BOC: variants seen among roughly 807,000 people sequenced by gnomAD.
BOC encodes brother of CDO.
Under a neutral mutation model 112.0 loss-of-function variants are expected in BOC, and 76 were observed. The observed-to-expected ratio is 0.68, with a 90% CI of 0.56 to 0.82. BOC has a LOEUF of 0.82. Ranked by LOEUF, BOC falls within the 40% of genes least tolerant of loss-of-function variation. BOC has a pLI of 0.00. For synonymous variants in BOC, 580 were observed against 599.8 expected (o/e 0.97, Z 0.48); for missense variants, 1,309 against 1,511.7 (o/e 0.87, Z 2.22).
Position 113,278,755 on chromosome 3 carries a change from C to A in BOC, c.1788C>A (p.Ser596Arg). The A allele has an allele frequency of 6.4e-7, 1 of 1,560,928 alleles. No individual in the cohort carries two copies. The highest frequency in any genetic ancestry group is 8.7e-7 in the Non-Finnish European group (1 of 1,152,398). Residue 596 changes from serine to arginine, a missense_variant, in exon 11 of 20, where the codon AGC (serine) becomes AGA (arginine). Coordinates refer to ENST00000682979, the MANE Select transcript of BOC (RefSeq NM_001378074.1). This position sits in a 1 kb window ranked among gnomAD's most constrained non-coding sequence, Gnocchi z 4.2. ...RDDPGASPQS[S>R]SQPDHGRLSP... ...ACCCTGGAGCCAGTCCCCAGAGCAGCAGCCAGCCAGACCACGGCCGCCTCT... is the reference window on the plus strand; with the variant it reads ...ACCCTGGAGCCAGTCCCCAGAGCAGAAGCCAGCCAGACCACGGCCGCCTCT...
chr3:113,250,983 A>G (rs1559842290), intron 4 of BOC, 150 bp downstream of exon 4: 1 of 972,384 alleles, frequency 1.0e-6, no homozygotes, highest in African/African-American at 1.6e-5. Context: ...GTAGCTGCCT[A>G]GTAATGCCCA....
chr3:113,222,723 C>G (rs1324828176), intron 2 of BOC, among the ~76,000 whole-genome samples: 1 of 152,210 alleles, frequency 6.6e-6, no homozygotes, highest in Non-Finnish European at 1.5e-5. Flanking sequence ...CCAGCTCACA[C>G]TCTCATACCA....
intron 2 of BOC, among the ~76,000 whole-genome samples, chr3:113,247,905 G>A (rs1011288074): frequency 6.6e-6 from 1 of 152,188 alleles, no homozygotes; most frequent in Non-Finnish European, 1.5e-5. Context: ...ATCTTAACTT[G>A]CCAGGAAATA....
At chr3:113,235,246 A>G (rs1026855559) in intron 2 of BOC, among the ~76,000 whole-genome samples, 31 of 152,296 alleles carry the variant, frequency 2.0e-4, no homozygotes, top group African/African-American at 7.5e-4. Context: ...CTTTCCAGCC[A>G]CTATATTAGC....
At chr3:113,251,701 T>TA (rs1055261829) in intron 4 of BOC, 4 of 152,204 alleles carry the variant, frequency 2.6e-5, no homozygotes, top group African/African-American at 7.2e-5. Context: ...AAATGGCTTC[T>TA]AAGGTCCCTC....
rs767715937 is a variant in BOC, at chr3:113,274,392, T to A, written c.1252T>A (p.Trp418Arg). 1.3e-6 allele frequency: 2 copies of A among 1,554,832 alleles called. No homozygotes were observed. Among genetic ancestry groups the A allele is most frequent in the South Asian group, 2.4e-5 (2 of 83,388 alleles). Residue 418 changes from tryptophan (W) to arginine (R), a missense_variant, in exon 9 of 20, where the codon TGG (tryptophan) becomes AGG (arginine). Coordinates refer to ENST00000682979, the MANE Select transcript of BOC (RefSeq NM_001378074.1). This position sits in a 1 kb window ranked among gnomAD's most constrained non-coding sequence, Gnocchi z 4.8. ...TCCTCCAGGCATAACCCCAAGGCTA[T>A]GGCAGGATGCTGAGCTGGCTACTGG... ...TSRPSITPRL[W>R]QDAELATGTP...
intron 4 of BOC, 32 bp from the exon 5 acceptor site, chr3:113,268,267 C>T (rs1311815607): frequency 2.5e-6 from 4 of 1,613,034 alleles, no homozygotes; most frequent in African/African-American, 1.3e-5. Flanking sequence ...GCTCTGCTGT[C>T]CTCCAACCAG....
chr3:113,225,124 A>G (rs1472220034), intron 2 of BOC, among the ~76,000 whole-genome samples: 1 of 151,782 alleles, frequency 6.6e-6, no homozygotes, highest in Admixed American at 6.6e-5. Flanking sequence ...AACCACAAAA[A>G]TAAGTCGGGT....
At chr3:113,255,017 C>T (rs1017980870) in intron 4 of BOC, among the ~76,000 whole-genome samples, 3 of 152,134 alleles carry the variant, frequency 2.0e-5, no homozygotes, top group African/African-American at 7.2e-5. Context: ...GTTGTCCTGG[C>T]CATGTGGGTA....
intron 2 of BOC, among the ~76,000 whole-genome samples, chr3:113,225,124 ATAAGTCGGGTGTGGTGGTGCACGCCTG>A (rs1276297794): frequency 2.6e-5 from 4 of 151,782 alleles, no homozygotes; most frequent in Non-Finnish European, 5.9e-5. Flanking sequence ...AACCACAAAA[ATAAGTCGGGTGTGGTGGTGCACGCCTG>A]TAATCCCAGC....
intron 2 of BOC, among the ~76,000 whole-genome samples, chr3:113,248,159 C>T (rs1216792305): frequency 9.9e-5 from 15 of 152,184 alleles, no homozygotes; most frequent in Admixed American, 9.8e-4. Flanking sequence ...GTGGATATGG[C>T]CCTCCTCACT....
At position 113,280,463 on chromosome 3, in the gene BOC, T is replaced by C; in HGVS notation, c.2206-95T>C. On this transcript the variant is annotated intron_variant, in intron 13 of 19. Transcript: ENST00000682979. ...CAGGGGTCCCAAGTGAAATTCAAAC[T>C]CTGGACTGGGGTAGAACCTTCATAC... 1.4e-5 allele frequency: 12 copies of C among 848,674 alleles called. 1 individual carries two copies. The South Asian group carries it at 1.8e-4, about 13-fold the overall frequency. The allele number at this position is 848,674 out of a possible 1,614,324, so 52.6% of individuals were successfully genotyped here. A position where few individuals can be genotyped will look rare whatever the true frequency, so the allele number is the denominator to read the frequency against.
In BOC at chr3:113,283,540, CCTAT is replaced by C. The variant is rs1253434218; in HGVS notation, c.2567_2570del (p.Tyr856Ter). 8.1e-6 allele frequency: 13 copies of C among 1,613,838 alleles called. No individual in the cohort carries two copies. The highest frequency in any genetic ancestry group is 2.7e-5 in the African/African-American group (2 of 74,846). On this transcript the variant is annotated frameshift_variant, in exon 16 of 20. Transcript: ENST00000682979. LOFTEE classifies it high-confidence loss of function. ...ATGGTGGCTCGCTCCAGCGACCTGC[CCTAT>C]CTGATTGTCGGGGTCGTCCTGGGCT...
chr3:113,272,446 C>A lies in BOC; in HGVS notation c.704C>A (p.Pro235Gln), dbSNP rs370790157. 69 of 1,614,110 alleles carry A rather than the reference C, an allele frequency of 4.3e-5. No individual in the cohort carries two copies. Among genetic ancestry groups the A allele is most frequent in the Non-Finnish European group, 5.3e-5 (63 of 1,180,014 alleles). ...GAGGCTGCCCGCATCATCTACCCCC[C>A]AGAGGCCCAAACCATCATCGTCACC... The part of the protein sequence containing the change: ...TAEAARIIYP[P>Q]EAQTIIVTKG... The change falls in exon 7 of 20, where the codon CCA (proline) becomes CAA (glutamine). Residue 235 changes from proline to glutamine, a missense_variant. Physicochemically the swap from Pro to Gln is moderately conservative, Grantham distance 76. Transcript: ENST00000682979.
chr3:113,280,135 T>G (rs1949056372), intron 13 of BOC, 130 bp downstream of exon 13: 1 of 998,400 alleles, frequency 1.0e-6, no homozygotes, highest in Non-Finnish European at 1.4e-6. Context: ...GGGAGGCTCT[T>G]AGTGGCTGGA....
chr3:113,212,092 C>A (rs1353275893), intron 1 of BOC, 76 bp downstream of exon 1: 1 of 151,182 alleles, frequency 6.6e-6, no homozygotes, highest in Non-Finnish European at 1.5e-5. Flanking sequence ...GAGGAGGGGG[C>A]GGGAGGCGGC....
intron 2 of BOC, among the ~76,000 whole-genome samples, chr3:113,247,896 T>C (rs148432949): frequency 6.6e-6 from 1 of 152,372 alleles, no homozygotes; most frequent in Non-Finnish European, 1.5e-5. Context: ...CGGGAAATTA[T>C]CTTAACTTGC....
At chr3:113,228,014 G>A (rs1941949874) in intron 2 of BOC, among the ~76,000 whole-genome samples, 1 of 152,192 alleles carries the variant, frequency 6.6e-6, no homozygotes, top group South Asian at 2.1e-4. Context: ...GAAGTGAAAG[G>A]AAAGAGCATT....
chr3:113,274,789 GC>G lies in BOC; in HGVS notation c.1542+109del. On this transcript the variant is annotated intron_variant, in intron 9 of 19. Transcript: ENST00000682979. The surrounding 1 kb of genome is among the most constrained non-coding windows in gnomAD (Gnocchi z 4.8). ...CTCCCCTTGAGCTCCTGAAGCCTGA[GC>G]CGGTAATCCCCACCACTAAACAGGC... 1.7e-6 allele frequency: 2 copies of G among 1,190,652 alleles called. No homozygotes were observed. Among genetic ancestry groups the G allele is most frequent in the Non-Finnish European group, 2.3e-6 (2 of 862,776 alleles). 73.8% of individuals were successfully genotyped at this position (1,190,652 alleles called of 1,614,324 possible).
Sources: gnomAD v4.1 joint callset for allele counts (sites outside exome capture counted in the v4.1 genomes callset) on GRCh38, gnomAD v4.1.1 for gene constraint, Gnocchi (gnomAD v3.1) non-coding constraint, MANE v1.5 for transcripts, NCBI Gene and HGNC (gene_info 2026-07-23, HGNC 2026-07-21) for gene names.